AKAP13: variants seen among roughly 807,000 people sequenced by gnomAD.
AKAP13 encodes the protein A-kinase anchoring protein 13.
Under a neutral mutation model 264.5 loss-of-function variants are expected in AKAP13, and 80 were observed. The observed-to-expected ratio is 0.30, with a 90% CI of 0.25 to 0.36. The LOEUF is 0.36. Ranked by LOEUF, AKAP13 falls within the 10% of genes least tolerant of loss-of-function variation. The probability of loss-of-function intolerance (pLI) is 1.00; values close to 1 mark genes in which losing one functional copy is unlikely to be tolerated. For synonymous variants in AKAP13, 1,380 were observed against 1,250.2 expected (o/e 1.10, Z -2.19); for missense variants, 3,712 against 3,435.2 (o/e 1.08, Z -2.01).
intron 8 of AKAP13, among the ~76,000 whole-genome samples, chr15:85,608,135 A>G (rs1567152585): frequency 1.1e-5 from 1 of 92,658 alleles, no homozygotes; most frequent in Non-Finnish European, 2.5e-5. Context: ...TGCTAGAGCT[A>G]TTCTTTTTTT....
intron 1 of AKAP13, among the ~76,000 whole-genome samples, chr15:85,416,806 A>C (rs1176344648): frequency 6.6e-6 from 1 of 152,158 alleles, no homozygotes; most frequent in African/African-American, 2.4e-5. Flanking sequence ...TTTCCCTATC[A>C]TGGTTCATTT....
At chr15:85,576,334 A>G (rs894915118) in intron 6 of AKAP13, among the ~76,000 whole-genome samples, 1 of 152,226 alleles carries the variant, frequency 6.6e-6, no homozygotes, top group African/African-American at 2.4e-5. Flanking sequence ...GATATGTACC[A>G]TTTAAATATA....
chr15:85,572,790 G>C (rs919023594), intron 5 of AKAP13, among the ~76,000 whole-genome samples: 1 of 152,152 alleles, frequency 6.6e-6, no homozygotes, highest in African/African-American at 2.4e-5. Flanking sequence ...ATCTACGTTA[G>C]GTATTTCTGC....
intron 3 of AKAP13, among the ~76,000 whole-genome samples, chr15:85,526,899 GAGT>G (rs1222230241): frequency 6.6e-6 from 1 of 151,640 alleles, no homozygotes; most frequent in Non-Finnish European, 1.5e-5. Context: ...TGGAAAAACA[GAGT>G]GAGAACTAGT....
intron 15 of AKAP13, among the ~76,000 whole-genome samples, chr15:85,683,974 A>G (rs2084755318): frequency 1.3e-5 from 2 of 152,208 alleles, no homozygotes; most frequent in South Asian, 2.1e-4. Flanking sequence ...ACCTAGCTGC[A>G]TGGACCAGTC....
chr15:85,591,555 G>A (rs2151331773), intron 8 of AKAP13, among the ~76,000 whole-genome samples: 1 of 152,124 alleles, frequency 6.6e-6, no homozygotes, highest in East Asian at 1.9e-4. Context: ...TTTTAGACCT[G>A]CCTTTTATTT....
chr15:85,520,608 A>G (rs1456277628), intron 2 of AKAP13: 6 of 514,572 alleles, frequency 1.2e-5, no homozygotes, highest in East Asian at 5.5e-5. Flanking sequence ...GTCTGATTTT[A>G]TGGGATTAAT....
chr15:85,466,740 C>G lies in AKAP13; in HGVS notation c.-11-18970C>G, dbSNP rs2074756375. Among the ~76,000 whole-genome samples the G allele has an allele frequency of 1.3e-5, 2 of 152,136 alleles. 1 individual carries two copies. The highest frequency in any genetic ancestry group is 1.3e-4 in the Admixed American group (2 of 15,276). ...TACTTTTTATTGGTGACAGTGATGA[C>G]TTGAATAAAACCTTTGAAACACCAG... On this transcript the variant is annotated intron_variant, in intron 1 of 36. Transcript: ENST00000394518.
intron 1 of AKAP13, among the ~76,000 whole-genome samples, chr15:85,447,266 A>AAAT (rs2073933271): frequency 2.0e-5 from 3 of 151,882 alleles, no homozygotes; most frequent in Admixed American, 1.3e-4. Context: ...ATTCCATCTC[A>AAAT]AAATAAATAA....
rs190123758 is a variant in AKAP13 at position 85,458,399 on chromosome 15, T to G, written c.-11-27311T>G. Among the ~76,000 whole-genome samples, 20 of 148,866 alleles carry G rather than the reference T, an allele frequency of 1.3e-4. No homozygotes were observed. The East Asian group carries it at 3.7e-3, about 27-fold the overall frequency. On this transcript the variant is annotated intron_variant, in intron 1 of 36. Coordinates refer to ENST00000394518, the MANE Select transcript of AKAP13 (RefSeq NM_007200.5). ...TTTGTATTTTTTGTTTTTTGTTTTTTTTTTTTTTTACTATATATGTATGGA... is the reference window on the plus strand; with the variant it reads ...TTTGTATTTTTTGTTTTTTGTTTTTGTTTTTTTTTACTATATATGTATGGA...
At chr15:85,552,363 G>A (rs1178934743) in intron 5 of AKAP13, among the ~76,000 whole-genome samples, 1 of 152,112 alleles carries the variant, frequency 6.6e-6, no homozygotes, top group African/African-American at 2.4e-5. Flanking sequence ...TTTTGTGTTA[G>A]GATTCTGGAT....
At chr15:85,470,050 G>A (rs187933692) in intron 1 of AKAP13, among the ~76,000 whole-genome samples, 27 of 152,330 alleles carry the variant, frequency 1.8e-4, no homozygotes, top group Middle Eastern at 3.4e-3. Context: ...CACTTTGGGA[G>A]GCCAAAGTGG....
At chr15:85,611,993 A>T (rs981878011) in intron 8 of AKAP13, among the ~76,000 whole-genome samples, 4 of 152,216 alleles carry the variant, frequency 2.6e-5, no homozygotes, top group Admixed American at 2.6e-4. Context: ...ATTATTTAAT[A>T]TCCATTTTGT....
chr15:85,452,238 T>A (rs2074118709), intron 1 of AKAP13, among the ~76,000 whole-genome samples: 1 of 150,756 alleles, frequency 6.6e-6, no homozygotes, highest in South Asian at 2.1e-4. Flanking sequence ...TTTTTTTAAA[T>A]ACTGGTTATT....
chr15:85,544,690 T>G (rs924155439), intron 5 of AKAP13, among the ~76,000 whole-genome samples: 5 of 152,220 alleles, frequency 3.3e-5, no homozygotes, highest in Non-Finnish European at 5.9e-5. Flanking sequence ...ATTGGAATGT[T>G]TATATAAAGA....
At chr15:85,689,568 TCA>T (rs2085154546) in intron 16 of AKAP13, among the ~76,000 whole-genome samples, 1 of 152,168 alleles carries the variant, frequency 6.6e-6, no homozygotes, top group Admixed American at 6.5e-5. Flanking sequence ...CATGGAAAAG[TCA>T]AACTTCAGAA....
chr15:85,730,997 C>CTTTTTTTTTT (rs71468134), intron 30 of AKAP13, among the ~76,000 whole-genome samples: 5 of 57,378 alleles, frequency 8.7e-5, no homozygotes, highest in Non-Finnish European at 1.2e-4. Flanking sequence ...GTCACTTATG[C>CTTTTTTTTTT]TTTTTTTTTT....
intron 14 of AKAP13, among the ~76,000 whole-genome samples, chr15:85,675,508 C>A (rs1424977005): frequency 6.6e-6 from 1 of 152,100 alleles, no homozygotes; most frequent in African/African-American, 2.4e-5. Context: ...TGTGTCTATC[C>A]AGTAAATATT....
intron 8 of AKAP13, chr15:85,635,245 T>A: frequency 2.5e-6 from 1 of 396,238 alleles, no homozygotes. Context: ...CAGTCTCAAA[T>A]TTTGACTCTT....
Sources: allele counts gnomAD v4.1 joint callset (sites outside exome capture counted in the v4.1 genomes callset), GRCh38; gene constraint gnomAD v4.1.1; transcripts MANE v1.5; gene names NCBI Gene and HGNC (gene_info 2026-07-23, HGNC 2026-07-21).